CDK13: variants seen among roughly 807,000 people sequenced by gnomAD.
CDK13 encodes cyclin dependent kinase 13, also known as cyclin-dependent kinase 13.
Under a neutral mutation model 137.6 loss-of-function variants are expected in CDK13, and 40 were observed. The ratio of observed to expected loss-of-function variants is 0.29; its 90% CI spans 0.23 to 0.38. The LOEUF (loss-of-function observed/expected upper bound fraction) is 0.38. Ranked by LOEUF, CDK13 falls within the 10% of genes least tolerant of loss-of-function variation. CDK13 has a pLI of 1.00. For missense variants in CDK13, 1,704 were observed against 1,951.8 expected, an observed-to-expected ratio of 0.87 and a Z score of 2.39; for synonymous variants, 869 against 760.1, an observed-to-expected ratio of 1.14 and a Z score of -2.36.
At chr7:39,954,664 AAT>A in intron 1 of CDK13, among the ~76,000 whole-genome samples, 1 of 152,388 alleles carries the variant, frequency 6.6e-6, no homozygotes, top group South Asian at 2.1e-4. Context: ...GAAACAGTGT[AAT>A]ATTTCCCCAG....
At chr7:40,028,098 A>C (rs986230571) in intron 5 of CDK13, among the ~76,000 whole-genome samples, 1 of 151,758 alleles carries the variant, frequency 6.6e-6, no homozygotes, top group African/African-American at 2.4e-5. Context: ...AGGGAGGTTC[A>C]GTATGGTGTT....
intron 7 of CDK13, among the ~76,000 whole-genome samples, chr7:40,053,899 T>TA (rs1401653023): frequency 6.6e-6 from 1 of 152,212 alleles, no homozygotes; most frequent in East Asian, 1.9e-4. Flanking sequence ...GTATCATTCT[T>TA]ATGTACATTT....
intron 1 of CDK13, among the ~76,000 whole-genome samples, chr7:39,962,197 C>T (rs1783759827): frequency 6.6e-6 from 1 of 152,200 alleles, no homozygotes; most frequent in Admixed American, 6.5e-5. Flanking sequence ...TTCTAGATCC[C>T]TGAGGATTTG....
Position 39,950,752 on chromosome 7 carries a change from G to T in CDK13, c.111G>T (p.Pro37=). ...KRRRFLSPQQ[P]PLLLPLLQPQ... is the part of the protein sequence containing the mutation. ...GGCGATTCCTGTCCCCTCAGCAGCCGCCGCTGCTGTTGCCGCTCCTGCAGC... is the reference window on the plus strand; with the variant it reads ...GGCGATTCCTGTCCCCTCAGCAGCCTCCGCTGCTGTTGCCGCTCCTGCAGC... Residue 37 remains proline, a synonymous_variant, in exon 1 of 14, where the codon CCG becomes CCT. Transcript: ENST00000181839. The T allele has an allele frequency of 6.8e-7, 1 of 1,475,558 alleles. No individual in the cohort carries two copies. Among genetic ancestry groups the T allele is most frequent in the Non-Finnish European group, 8.9e-7 (1 of 1,120,930 alleles). 91.4% of individuals were successfully genotyped at this position (1,475,558 alleles called of 1,614,324 possible). A position where few individuals can be genotyped will look rare whatever the true frequency, so the allele number is the denominator to read the frequency against.
rs2116054372 is a variant in CDK13 at position 39,951,085 on chromosome 7, T to G, written c.444T>G (p.Asp148Glu). The G allele has an allele frequency of 5.5e-6, 7 of 1,265,790 alleles. No homozygotes were observed. Among genetic ancestry groups the G allele is most frequent in the Non-Finnish European group, 6.9e-6 (7 of 1,007,260 alleles). The allele number at this position is 1,265,790 out of a possible 1,614,324, so 78.4% of individuals were successfully genotyped here. A position where few individuals can be genotyped will look rare whatever the true frequency, so the allele number is the denominator to read the frequency against. The change falls in exon 1 of 14, where the codon GAT (aspartate) becomes GAG (glutamate). Residue 148 changes from aspartate (D) to glutamate (E), a missense_variant. Asp to Glu is a conservative substitution (Grantham distance 45, BLOSUM62 2). Transcript: ENST00000181839. ...TGACCCCGCTGGTGGAATACGAGGATGTGAGCTCCCAGTCCGAGCAGGGGC... is the reference window on the plus strand; with the variant it reads ...TGACCCCGCTGGTGGAATACGAGGAGGTGAGCTCCCAGTCCGAGCAGGGGC... ...GGVTPLVEYE[D>E]VSSQSEQGLL...
chr7:39,996,002 T>C (rs60315659), intron 2 of CDK13, among the ~76,000 whole-genome samples: 13,858 of 152,228 alleles, frequency 0.091, 1,050 homozygotes, highest in East Asian at 0.36. Context: ...AAAGCAAGAC[T>C]GTCTTAAAGA....
chr7:40,004,920 A>T (rs932885479), intron 5 of CDK13, among the ~76,000 whole-genome samples: 1 of 152,216 alleles, frequency 6.6e-6, no homozygotes, highest in African/African-American at 2.4e-5. Flanking sequence ...TAATCCCAGC[A>T]CTTAGGGAAG....
At chr7:40,083,432 G>GT (rs1455018899) in intron 11 of CDK13, among the ~76,000 whole-genome samples, 1 of 152,004 alleles carries the variant, frequency 6.6e-6, no homozygotes, top group Non-Finnish European at 1.5e-5. Context: ...TCTAGTACTT[G>GT]TTACTGTTTC....
chr7:39,952,348 T>A (rs750754963), intron 1 of CDK13: 1 of 152,664 alleles, frequency 6.6e-6, no homozygotes, highest in Non-Finnish European at 1.5e-5. Context: ...TTCTTATGAT[T>A]ATTACAGAAA....
rs1462659653 is a variant in CDK13 at position 39,951,415 on chromosome 7, GA to G, written c.778del (p.Ser260AlafsTer76). The G allele has an allele frequency of 2.0e-6, 3 of 1,523,880 alleles. No homozygotes were observed. The highest frequency in any genetic ancestry group is 1.8e-6 in the Non-Finnish European group (2 of 1,137,806). The allele number at this position is 1,523,880 out of a possible 1,614,324, so 94.4% of individuals were successfully genotyped here. A position where few individuals can be genotyped will look rare whatever the true frequency, so the allele number is the denominator to read the frequency against. On this transcript the variant is annotated frameshift_variant, in exon 1 of 14. Transcript: ENST00000181839. LOFTEE classifies it high-confidence loss of function. ...GSSSSSGGRRKSASATSSSSS... is the reference protein window; with the variant it reads ...GSSSSSGGRRXSASATSSSSS... The stretch of plus-strand genomic sequence containing the variant: ...GCAGCAGCAGCAGCGGCGGCCGCCG[GA>G]AAAGCGCTTCGGCCACATCCAGCAG...
chr7:40,020,822 G>T (rs1378556398), intron 5 of CDK13, among the ~76,000 whole-genome samples: 1 of 152,214 alleles, frequency 6.6e-6, no homozygotes, highest in African/African-American at 2.4e-5. Flanking sequence ...GGTGGGCACG[G>T]TGGCTCACGC....
chr7:40,017,950 G>T (rs1785037048), intron 5 of CDK13, among the ~76,000 whole-genome samples: 1 of 148,702 alleles, frequency 6.7e-6, no homozygotes. Context: ...ATTCCCACAT[G>T]TTCTGAGGAT....
At chr7:40,062,342 G>A (rs17538146) in intron 7 of CDK13, 6,534 of 153,686 alleles carry the variant, frequency 0.043, 489 homozygotes, top group African/African-American at 0.15. Context: ...CTGGAGTGCA[G>A]TGACGCTATC....
At chr7:40,024,645 GTTTTTTTTTTTTTTT>G (rs58010602) in intron 5 of CDK13, among the ~76,000 whole-genome samples, 31 of 50,264 alleles carry the variant, frequency 6.2e-4, no homozygotes, top group African/African-American at 1.2e-3. Context: ...GTAGCTCTGT[GTTTTTTTTTTTTTTT>G]TTTTTTTTTT....
intron 1 of CDK13, among the ~76,000 whole-genome samples, chr7:39,980,259 A>C (rs971824169): frequency 2.0e-5 from 3 of 152,168 alleles, no homozygotes; most frequent in African/African-American, 7.2e-5. Flanking sequence ...GAAATTAAAA[A>C]TAGAGAATGG....
intron 5 of CDK13, among the ~76,000 whole-genome samples, chr7:40,025,875 T>C (rs1785232422): frequency 6.6e-6 from 1 of 152,272 alleles, no homozygotes; most frequent in Non-Finnish European, 1.5e-5. Context: ...CTCTTAGTTT[T>C]AATACCAGTT....
At chr7:40,065,987 C>A (rs1786271306) in intron 9 of CDK13, among the ~76,000 whole-genome samples, 1 of 152,172 alleles carries the variant, frequency 6.6e-6, no homozygotes, top group South Asian at 2.1e-4. Context: ...GAGTTTTAGA[C>A]CAGCCTGAGC....
rs1488327247 is a variant in CDK13, at chr7:40,094,480, G to T, written c.4039G>T (p.Ala1347Ser). The T allele has an allele frequency of 6.2e-7, 1 of 1,613,516 alleles. No homozygotes were observed. The highest frequency in any genetic ancestry group is 1.1e-5 in the South Asian group (1 of 91,070). The change falls in exon 14 of 14, where the codon GCT becomes TCT. Residue 1347 changes from alanine (A) to serine (S), a missense_variant. This residue lies in a region of CDK13 where 475 missense variants were observed against 579.3 expected (regional missense o/e 0.82). Coordinates refer to ENST00000181839, the MANE Select transcript of CDK13 (RefSeq NM_003718.5). ...DNFGSSSFSS[A>S]PYVSNDGLGS... ...CTTTGGATCCTCTTCTTTCTCTTCT[G>T]CTCCTTATGTTAGCAATGATGGTCT... is the stretch of plus-strand genomic sequence containing the variant.
At chr7:40,001,070 C>T (rs1015014727) in intron 4 of CDK13, among the ~76,000 whole-genome samples, 1 of 152,000 alleles carries the variant, frequency 6.6e-6, no homozygotes, top group Admixed American at 6.6e-5. Context: ...AGTAATATGT[C>T]TGAGCGTATT....
Sources: gnomAD v4.1 joint callset for allele counts (sites outside exome capture counted in the v4.1 genomes callset) on GRCh38, gnomAD v4.1.1 for gene constraint, gnomAD v4.1.1 regional missense constraint, MANE v1.5 for transcripts, NCBI Gene and HGNC (gene_info 2026-07-23, HGNC 2026-07-21) for gene names.